FBXL17: variants seen among roughly 807,000 people sequenced by gnomAD.
FBXL17 encodes F-box and leucine rich repeat protein 17.
Under a neutral mutation model 66.2 loss-of-function variants are expected in FBXL17, and 22 were observed. The ratio of observed to expected loss-of-function variants is 0.33; its 90% CI spans 0.24 to 0.47. The LOEUF (loss-of-function observed/expected upper bound fraction) is 0.47. Among genes scored for constraint, FBXL17 ranks in the 20% least tolerant of loss-of-function variants. The probability of loss-of-function intolerance (pLI) is 1.00; values close to 1 mark genes in which losing one functional copy is unlikely to be tolerated. For missense variants in FBXL17, 878 were observed against 948.2 expected, an observed-to-expected ratio of 0.93 and a Z score of 0.97; for synonymous variants, 474 against 400.5, an observed-to-expected ratio of 1.18 and a Z score of -2.19.
At chr5:108,003,716 A>G (rs962394015) in intron 7 of FBXL17, among the ~76,000 whole-genome samples, 2 of 152,220 alleles carry the variant, frequency 1.3e-5, no homozygotes, top group Non-Finnish European at 2.9e-5. Flanking sequence ...TCCAACAGAT[A>G]GCTTACAGAG....
At chr5:107,895,612 C>G (rs1749352415) in intron 7 of FBXL17, among the ~76,000 whole-genome samples, 1 of 152,122 alleles carries the variant, frequency 6.6e-6, no homozygotes, top group Admixed American at 6.6e-5. Flanking sequence ...ACTTCACTCC[C>G]CATCCCCGCT....
In FBXL17 at chr5:107,986,551, T is replaced by C. The variant is rs185026532; in HGVS notation, c.1822+34374A>G. On this transcript the variant is annotated intron_variant, in intron 7 of 8. Transcript: ENST00000542267. ...ATCCCAATGTGTCATATCTTCCTTA[T>C]CTCTTGAATATAACAGGGATACCTA... 2.6e-5 allele frequency among the ~76,000 whole-genome samples: 4 copies of C among 151,878 alleles called. No homozygotes were observed. In the East Asian group the frequency reaches 7.7e-4, roughly 29 times the overall value.
chr5:107,944,046 T>C (rs574964709), intron 7 of FBXL17, among the ~76,000 whole-genome samples: 11 of 152,300 alleles, frequency 7.2e-5, no homozygotes, highest in African/African-American at 2.6e-4. Context: ...TTGTATACCA[T>C]GCCCTTGATG....
Position 108,254,322 on chromosome 5 carries a change from T to C in FBXL17, c.1507-30094A>G, listed in dbSNP as rs142098232. ...TTAAGCTTGAACTGTATAAATCATA[T>C]ATTCTCTGGTATTTTAGAGGAGACA... On this transcript the variant is annotated intron_variant, in intron 4 of 8. Transcript: ENST00000542267. Among the ~76,000 whole-genome samples, 63 of 152,328 alleles carry C rather than the reference T, an allele frequency of 4.1e-4. No individual in the cohort carries two copies. In the East Asian group the frequency reaches 5.6e-3, roughly 14 times the overall value.
chr5:108,098,661 C>T lies in FBXL17; in HGVS notation c.1746-77660G>A, dbSNP rs6889693. On this transcript the variant is annotated intron_variant, in intron 6 of 8. Coordinates refer to ENST00000542267, the MANE Select transcript of FBXL17 (RefSeq NM_001163315.3). ...TCGGGAGGCTGAGGCAGGAAAATGG[C>T]GTGAACCCGGGAGGCGGCGCTTGCA... Among the ~76,000 whole-genome samples, 636 of 148,916 alleles carry T rather than the reference C, an allele frequency of 4.3e-3. 5 individuals are homozygous for T. Among genetic ancestry groups the T allele is most frequent in the African/African-American group, 0.014 (581 of 40,352 alleles).
At chr5:107,995,132 A>G (rs774012203) in intron 7 of FBXL17, among the ~76,000 whole-genome samples, 7 of 152,182 alleles carry the variant, frequency 4.6e-5, no homozygotes, top group Non-Finnish European at 7.4e-5. Flanking sequence ...ATTTACATCA[A>G]TAAAAAGATT....
At chr5:107,925,262 C>G (rs184234856) in intron 7 of FBXL17, among the ~76,000 whole-genome samples, 299 of 152,302 alleles carry the variant, frequency 2.0e-3, no homozygotes, top group African/African-American at 7.0e-3. Context: ...GTTTTCATCT[C>G]TATTCTAAAA....
intron 6 of FBXL17, among the ~76,000 whole-genome samples, chr5:108,075,538 T>A (rs796508209): frequency 2.6e-4 from 39 of 152,276 alleles, no homozygotes; most frequent in African/African-American, 9.4e-4. Context: ...GTGCAATGGC[T>A]TGATCTTGGC....
Position 107,861,731 on chromosome 5 carries a change from C to T in FBXL17, c.2095G>A (p.Ala699Thr), listed in dbSNP as rs946355528. Reference sequence around the variant, plus strand: ...GCGAGGCAGGAGCGCTAGGAGGAGGCGGCAGACATGTTGGGGGTCCAGCCC... The same window carrying T: ...GCGAGGCAGGAGCGCTAGGAGGAGGTGGCAGACATGTTGGGGGTCCAGCCC... ...QMGWTPNMSA[A>T]SS The change falls in exon 9 of 9, where the codon GCC (alanine) becomes ACC (threonine). Residue 699 changes from alanine to threonine, a missense_variant. Transcript: ENST00000542267. 3.7e-5 allele frequency: 59 copies of T among 1,575,742 alleles called. No individual in the cohort carries two copies. Among genetic ancestry groups the T allele is most frequent in the South Asian group, 4.7e-5 (4 of 85,358 alleles).
Position 108,060,490 on chromosome 5 carries a change from A to G in FBXL17, c.1746-39489T>C, listed in dbSNP as rs1656802438. On this transcript the variant is annotated intron_variant, in intron 6 of 8. Coordinates refer to ENST00000542267, the MANE Select transcript of FBXL17 (RefSeq NM_001163315.3). ...TTTTTTACACCAGGCAAAAAGTGTC[A>G]CATGCCAGTGAGTTCAGTAATCTCT... Among the ~76,000 whole-genome samples, 3 of 152,172 alleles carry G rather than the reference A, an allele frequency of 2.0e-5. No homozygotes were observed. In the South Asian group the frequency reaches 6.2e-4, roughly 32 times the overall value.
In FBXL17 at chr5:108,348,465, T is replaced by A; in HGVS notation, c.1440A>T (p.Glu480Asp). 1 of 1,613,646 alleles carries A rather than the reference T, an allele frequency of 6.2e-7. No homozygotes were observed. The highest frequency in any genetic ancestry group is 8.5e-7 in the Non-Finnish European group (1 of 1,179,670). ...HFGQCYKISD[E>D]GMIVIAKGCL... is the part of the protein sequence containing the mutation. ...AGCCCTTAGCTATGACGATCATGCC[T>A]TCATCTGAGATCTTGTAACACTGGC... Residue 480 changes from glutamate (E) to aspartate (D), a missense_variant, in exon 4 of 9, where the codon GAA becomes GAT. Glu to Asp is a conservative substitution (Grantham distance 45). Coordinates refer to ENST00000542267, the MANE Select transcript of FBXL17 (RefSeq NM_001163315.3).
At chr5:108,225,963 C>A (rs1755082419) in intron 4 of FBXL17, among the ~76,000 whole-genome samples, 1 of 152,104 alleles carries the variant, frequency 6.6e-6, no homozygotes, top group Non-Finnish European at 1.5e-5. Context: ...TTGGTTGAGT[C>A]TACCTCATCT....
intron 6 of FBXL17, among the ~76,000 whole-genome samples, chr5:108,140,881 AATTTT>A (rs1230540238): frequency 6.6e-6 from 1 of 151,454 alleles, no homozygotes; most frequent in Admixed American, 6.6e-5. Flanking sequence ...ATCTCCTTCT[AATTTT>A]GAATTATTTT....
chr5:108,366,673 C>T (rs1475972474), intron 2 of FBXL17, among the ~76,000 whole-genome samples: 2 of 151,952 alleles, frequency 1.3e-5, no homozygotes, highest in Non-Finnish European at 2.9e-5. Context: ...GATTGCTTTA[C>T]ACATATCTGC....
chr5:107,938,977 G>A (rs1372446557), intron 7 of FBXL17, among the ~76,000 whole-genome samples: 1 of 152,010 alleles, frequency 6.6e-6, no homozygotes, highest in African/African-American at 2.4e-5. Flanking sequence ...AACTCTTAAG[G>A]TTGAATATCA....
At chr5:108,327,295 G>A (rs1240209260) in intron 4 of FBXL17, among the ~76,000 whole-genome samples, 1 of 152,186 alleles carries the variant, frequency 6.6e-6, no homozygotes, top group Non-Finnish European at 1.5e-5. Flanking sequence ...TAAATGTACT[G>A]TGGAGACAAT....
chr5:108,047,605 G>A (rs962200846), intron 6 of FBXL17, among the ~76,000 whole-genome samples: 1 of 152,182 alleles, frequency 6.6e-6, no homozygotes, highest in Non-Finnish European at 1.5e-5. Flanking sequence ...TTCCCTTGCT[G>A]GAGCCAGGGA....
chr5:108,335,484 T>C lies in FBXL17; in HGVS notation c.1506+12915A>G, dbSNP rs185096266. 2.5e-3 allele frequency among the ~76,000 whole-genome samples: 385 copies of C among 152,120 alleles called. 3 individuals carry two copies. The highest frequency in any genetic ancestry group is 8.2e-3 in the African/African-American group (340 of 41,510). ...ACAAATAACCTTAGACATGTACTAA[T>C]ATAGAAGCTCAGAGATGGAGGGTAA... On this transcript the variant is annotated intron_variant, in intron 4 of 8. Coordinates refer to ENST00000542267, the MANE Select transcript of FBXL17 (RefSeq NM_001163315.3).
intron 6 of FBXL17, among the ~76,000 whole-genome samples, chr5:108,150,726 G>T (rs528091031): frequency 6.6e-6 from 1 of 152,296 alleles, no homozygotes; most frequent in Admixed American, 6.5e-5. Flanking sequence ...CAAGAATACT[G>T]TAAGAGGTGC....
Sources: allele counts gnomAD v4.1 joint callset (sites outside exome capture counted in the v4.1 genomes callset), GRCh38; gene constraint gnomAD v4.1.1; transcripts MANE v1.5; gene names NCBI Gene and HGNC (gene_info 2026-07-23, HGNC 2026-07-21).